Variants in CATSPERE observed in about 807,000 individuals in gnomAD.
CATSPERE encodes catsper channel auxiliary subunit epsilon.
A neutral mutation model predicts 114.1 loss-of-function variants in CATSPERE; 93 were observed. The ratio of observed to expected loss-of-function variants is 0.81; its 90% CI spans 0.69 to 0.97. The LOEUF is 0.97. Among genes scored for constraint, CATSPERE ranks in the 50% least tolerant of loss-of-function variants. The pLI, the probability that CATSPERE is intolerant of heterozygous loss-of-function variation, is 0.00. For synonymous variants in CATSPERE, 341 were observed against 384.1 expected, an observed-to-expected ratio of 0.89 and a Z score of 1.31; for missense variants, 1,058 against 1,131.6, an observed-to-expected ratio of 0.93 and a Z score of 0.93.
intron 7 of CATSPERE, among the ~76,000 whole-genome samples, chr1:244,501,654 A>G (rs1009088514): frequency 1.3e-5 from 2 of 152,250 alleles, no homozygotes; most frequent in African/African-American, 4.8e-5. Context: ...TAAGTATGAT[A>G]TTGACTTAAT....
At chr1:244,493,175 A>G (rs1672511992) in intron 6 of CATSPERE, among the ~76,000 whole-genome samples, 1 of 152,222 alleles carries the variant, frequency 6.6e-6, no homozygotes, top group African/African-American at 2.4e-5. Context: ...TGGAGGCATC[A>G]TGCTACCTGA....
chr1:244,552,233 A>G, intron 8 of CATSPERE, 89 bp from the exon 9 acceptor site: 1 of 1,466,260 alleles, frequency 6.8e-7, no homozygotes. Context: ...ATAAAAATTA[A>G]AAATGTTTTA....
chr1:244,534,232 T>C (rs1466433607), intron 8 of CATSPERE, among the ~76,000 whole-genome samples: 3 of 152,194 alleles, frequency 2.0e-5, no homozygotes, highest in Non-Finnish European at 4.4e-5. Context: ...ATTAAATGTC[T>C]TGAGGTAGTC....
chr1:244,474,034 C>CTT (rs941823787), intron 2 of CATSPERE, among the ~76,000 whole-genome samples: 2 of 149,674 alleles, frequency 1.3e-5, no homozygotes, highest in African/African-American at 4.9e-5. Context: ...CTTTTTTTTG[C>CTT]TTTTTTTTTG....
chr1:244,581,105 G>A (rs755055808), intron 11 of CATSPERE, among the ~76,000 whole-genome samples: 22 of 151,582 alleles, frequency 1.5e-4, no homozygotes, highest in Non-Finnish European at 3.1e-4. Flanking sequence ...GTCTATTTTT[G>A]AACTTCATAT....
chr1:244,488,714 T>G (rs1671470574), intron 5 of CATSPERE, among the ~76,000 whole-genome samples: 1 of 152,226 alleles, frequency 6.6e-6, no homozygotes, highest in Non-Finnish European at 1.5e-5. Context: ...TCTTCTTCCC[T>G]GTGCCTCTGA....
rs143448039 is a variant in CATSPERE at position 244,471,127 on chromosome 1, A to G, written c.115-6414A>G. Among the ~76,000 whole-genome samples, 222 of 152,360 alleles carry G rather than the reference A, an allele frequency of 1.5e-3. 1 individual carries two copies. Among genetic ancestry groups the G allele is most frequent in the African/African-American group, 4.9e-3 (203 of 41,590 alleles). On this transcript the variant is annotated intron_variant, in intron 2 of 21. Coordinates refer to ENST00000366534, the MANE Select transcript of CATSPERE (RefSeq NM_001130957.2). ...GAAGTATATGAAGATACTAAAAACCATTGTACACTTTAAATGAATGAATTG... is the reference window on the plus strand; with the variant it reads ...GAAGTATATGAAGATACTAAAAACCGTTGTACACTTTAAATGAATGAATTG...
chr1:244,516,605 T>A (rs9943262), intron 7 of CATSPERE, among the ~76,000 whole-genome samples: 11 of 151,536 alleles, frequency 7.3e-5, no homozygotes, highest in African/African-American at 2.7e-4. Context: ...CACTGCAACC[T>A]CCACCTCCTG....
At chr1:244,460,062 C>A (rs553717007), upstream of CATSPERE, among the ~76,000 whole-genome samples, 3 of 152,228 alleles carry the variant, frequency 2.0e-5, no homozygotes, top group Non-Finnish European at 4.4e-5. Context: ...TCTAACTGAA[C>A]GGATTGCATC....
intron 2 of CATSPERE, among the ~76,000 whole-genome samples, chr1:244,468,252 C>T (rs3006010): frequency 0.31 from 46,534 of 151,588 alleles, 7,614 homozygotes; most frequent in East Asian, 0.51. Context: ...GCCACCACGC[C>T]CGGCTAATTT....
intron 20 of CATSPERE, among the ~76,000 whole-genome samples, chr1:244,624,685 C>T (rs1269588123): frequency 6.6e-6 from 1 of 151,938 alleles, no homozygotes; most frequent in African/African-American, 2.4e-5. Flanking sequence ...GCCTGTAGTC[C>T]CAGCTACTTG....
intron 9 of CATSPERE, among the ~76,000 whole-genome samples, chr1:244,558,952 T>C (rs1400529040): frequency 6.6e-6 from 1 of 152,172 alleles, no homozygotes; most frequent in Admixed American, 6.5e-5. Flanking sequence ...TTCTCTCAAC[T>C]TGTCCAGCTT....
rs1674269243 is a variant in CATSPERE, at chr1:244,633,725, A to G, written c.2649-1764A>G. ...CCTTAAACCTCACAAATTCATTCCCATTTCCAAACCTTTGCTCATCTCTCC... is the reference window on the plus strand; with the variant it reads ...CCTTAAACCTCACAAATTCATTCCCGTTTCCAAACCTTTGCTCATCTCTCC... On this transcript the variant is annotated intron_variant, in intron 20 of 21. Coordinates refer to ENST00000366534, the MANE Select transcript of CATSPERE (RefSeq NM_001130957.2). This position sits in a 1 kb window ranked among gnomAD's most constrained non-coding sequence, Gnocchi z 4.1. Among the ~76,000 whole-genome samples the G allele has an allele frequency of 6.6e-6, 1 of 151,592 alleles. No homozygotes were observed. The highest frequency in any genetic ancestry group is 1.5e-5 in the Non-Finnish European group (1 of 67,904).
At chr1:244,454,255 A>C (rs1665914302), upstream of CATSPERE, 1 of 152,216 alleles carries the variant, frequency 6.6e-6, no homozygotes, top group Non-Finnish European at 1.5e-5. Context: ...TACCGTTCGG[A>C]GGTCATCCCT....
intron 8 of CATSPERE, among the ~76,000 whole-genome samples, chr1:244,527,749 C>T (rs533878030): frequency 3.3e-5 from 5 of 152,242 alleles, no homozygotes; most frequent in African/African-American, 7.2e-5. Flanking sequence ...ATTTGGGGAA[C>T]TAATAAATGT....
At chr1:244,584,918 T>G (rs749121069) in intron 13 of CATSPERE, among the ~76,000 whole-genome samples, 3 of 152,126 alleles carry the variant, frequency 2.0e-5, no homozygotes, top group African/African-American at 4.8e-5. Flanking sequence ...ACATGCCAGC[T>G]TAATCCACGT....
At position 244,561,001 on chromosome 1, in the gene CATSPERE, C is replaced by T. The variant is rs1382954611; in HGVS notation, c.1363C>T (p.Leu455=). 1 of 1,613,880 alleles carries T rather than the reference C, an allele frequency of 6.2e-7. No homozygotes were observed. Among genetic ancestry groups the T allele is most frequent in the South Asian group, 1.1e-5 (1 of 91,080 alleles). ...CATGCCACATTTTACATTTTCAGCA[C>T]TGCCAGGATTACTGCTATGGAACAA... ...VTMPHFTFSA[L]PGLLLWNKHS... is the part of the protein sequence containing the mutation. Residue 455 remains leucine (L), a synonymous_variant, in exon 10 of 22, where the codon CTG becomes TTG. Coordinates refer to ENST00000366534, the MANE Select transcript of CATSPERE (RefSeq NM_001130957.2).
chr1:244,508,492 G>T (rs1426875379), intron 7 of CATSPERE, among the ~76,000 whole-genome samples: 1 of 151,240 alleles, frequency 6.6e-6, no homozygotes, highest in Non-Finnish European at 1.5e-5. Context: ...TAGTAGAGAT[G>T]GGGTTTCACC....
intron 8 of CATSPERE, among the ~76,000 whole-genome samples, chr1:244,536,371 A>G (rs748163099): frequency 6.6e-6 from 1 of 152,080 alleles, no homozygotes; most frequent in African/African-American, 2.4e-5. Context: ...CTATCTTTCA[A>G]GTTTATTTCG....
Sources: gnomAD v4.1 joint callset for allele counts (sites outside exome capture counted in the v4.1 genomes callset) on GRCh38, gnomAD v4.1.1 for gene constraint, Gnocchi (gnomAD v3.1) non-coding constraint, MANE v1.5 for transcripts, NCBI Gene and HGNC (gene_info 2026-07-23, HGNC 2026-07-21) for gene names.